Variants in YME1L1 observed in about 807,000 individuals in gnomAD.
YME1L1 encodes ATP-dependent zinc metalloprotease YME1L1.
A neutral mutation model predicts 90.4 loss-of-function variants in YME1L1; 39 were observed. That is an observed-to-expected ratio of 0.43 (90% CI 0.33 to 0.56). The LOEUF is 0.56. Among genes scored for constraint, YME1L1 ranks in the 20% least tolerant of loss-of-function variants. The probability of loss-of-function intolerance (pLI) is 0.03; values close to 1 mark genes in which losing one functional copy is unlikely to be tolerated. For missense variants in YME1L1, 617 were observed against 868.4 expected (o/e 0.71, Z 3.64); for synonymous variants, 284 against 287.3 (o/e 0.99, Z 0.12).
intron 4 of YME1L1, among the ~76,000 whole-genome samples, chr10:27,140,805 T>A (rs559358807): frequency 6.6e-6 from 1 of 152,280 alleles, no homozygotes; most frequent in South Asian, 2.1e-4. Flanking sequence ...AAGCTGTCTT[T>A]TCTGTTACTG....
At chr10:27,132,217 C>A (rs1280653876) in intron 7 of YME1L1, among the ~76,000 whole-genome samples, 1 of 152,134 alleles carries the variant, frequency 6.6e-6, no homozygotes, top group Non-Finnish European at 1.5e-5. Flanking sequence ...TCTCCTGCCT[C>A]AGCCTCCCAA....
chr10:27,112,237 T>A, intron 18 of YME1L1, 117 bp from the exon 19 acceptor site: 1 of 910,128 alleles, frequency 1.1e-6, no homozygotes, highest in Non-Finnish European at 1.6e-6. Flanking sequence ...TGTTTATATT[T>A]ATAAAATCAT....
Position 27,111,808 on chromosome 10 carries a change from A to G in YME1L1, c.*169T>C, listed in dbSNP as rs1042792629. ...GATGCTAATTTGCAATAGGTGTCAT[A>G]ATGAGAATAACCCAAACTGGATAAA... On this transcript the variant is annotated 3_prime_UTR_variant, in exon 19 of 19. Coordinates refer to ENST00000376016, the MANE Select transcript of YME1L1 (RefSeq NM_014263.4). The G allele has an allele frequency of 1.3e-5, 11 of 873,964 alleles. No homozygotes were observed. Among genetic ancestry groups the G allele is most frequent in the Non-Finnish European group, 1.9e-5 (10 of 533,366 alleles). 54.1% of individuals were successfully genotyped at this position (873,964 alleles called of 1,614,324 possible). A position where few individuals can be genotyped will look rare whatever the true frequency, so the allele number is the denominator to read the frequency against.
chr10:27,121,695 ATTT>A (rs2056869186), intron 11 of YME1L1, among the ~76,000 whole-genome samples: 1 of 149,752 alleles, frequency 6.7e-6, no homozygotes. Flanking sequence ...TGACTAATTT[ATTT>A]TTTATTTATT....
rs1466165717 is a variant in YME1L1 at position 27,129,099 on chromosome 10, AAAAAAAAAAAAAAACT to A, written c.859-2329_859-2314del. ...AGACCCTGTCTCAAAAAAAAAAAAAAAAAAAAAAAAAAAACTCTCATTCCAAAAGAAGTGTGATATA... is the reference window on the plus strand; with the variant it reads ...AGACCCTGTCTCAAAAAAAAAAAAAACTCATTCCAAAAGAAGTGTGATATA... On this transcript the variant is annotated intron_variant, in intron 8 of 18. Coordinates refer to ENST00000376016, the MANE Select transcript of YME1L1 (RefSeq NM_014263.4). 13 of 150,388 alleles carry A rather than the reference AAAAAAAAAAAAAAACT, an allele frequency of 8.6e-5. No homozygotes were observed. The East Asian group carries it at 1.0e-3, about 12-fold the overall frequency. The allele number at this position is 150,388 out of a possible 1,614,324, so 9.3% of individuals were successfully genotyped here.
At chr10:27,112,654 GACAA>G (rs1333187991) in intron 18 of YME1L1, among the ~76,000 whole-genome samples, 3 of 152,036 alleles carry the variant, frequency 2.0e-5, no homozygotes, top group Non-Finnish European at 4.4e-5. Context: ...TGTGCCATCT[GACAA>G]ACATAGTCCT....
chr10:27,154,133 C>G, intron 1 of YME1L1, 45 bp downstream of exon 1: 8 of 1,563,386 alleles, frequency 5.1e-6, no homozygotes, highest in Non-Finnish European at 6.9e-6. Context: ...CAAACAGCCA[C>G]GGGCAGGGCG....
chr10:27,147,731 AAC>A, intron 2 of YME1L1: 1 of 1,543,442 alleles, frequency 6.5e-7, no homozygotes, highest in Non-Finnish European at 8.8e-7. Context: ...TCCTGTCTGT[AAC>A]ACCCGTGGTT....
rs1049926222 is a variant in YME1L1 at position 27,119,181 on chromosome 10, G to C, written c.1567+113C>G. On this transcript the variant is annotated intron_variant, in intron 14 of 18. Coordinates refer to ENST00000376016, the MANE Select transcript of YME1L1 (RefSeq NM_014263.4). Reference sequence around the variant, plus strand: ...CCCAGACACTGAAGTTTTAGAGTAAGATTAGATTCAACATAGCCATGGCTT... The same window carrying C: ...CCCAGACACTGAAGTTTTAGAGTAACATTAGATTCAACATAGCCATGGCTT... 5 of 1,077,084 alleles carry C rather than the reference G, an allele frequency of 4.6e-6. No individual in the cohort carries two copies. The Admixed American group carries it at 8.6e-5, about 19-fold the overall frequency. The allele number at this position is 1,077,084 out of a possible 1,614,324, so 66.7% of individuals were successfully genotyped here. A position where few individuals can be genotyped will look rare whatever the true frequency, so the allele number is the denominator to read the frequency against.
intron 3 of YME1L1, among the ~76,000 whole-genome samples, chr10:27,145,220 G>A (rs2057130018): frequency 2.6e-5 from 4 of 151,716 alleles, no homozygotes; most frequent in Non-Finnish European, 5.9e-5. Context: ...CAAAATTAGT[G>A]GAAGCAAAAT....
intron 3 of YME1L1, among the ~76,000 whole-genome samples, chr10:27,143,234 TG>T (rs1048536034): frequency 1.8e-4 from 27 of 151,686 alleles, no homozygotes; most frequent in Non-Finnish European, 3.8e-4. Context: ...CCGGGTGTGG[TG>T]GCACATGCCT....
intron 1 of YME1L1, among the ~76,000 whole-genome samples, chr10:27,151,760 G>C (rs954663424): frequency 6.6e-6 from 1 of 151,840 alleles, no homozygotes; most frequent in South Asian, 2.1e-4. Context: ...GGGCGCCTGT[G>C]GTCCCAGCTA....
At chr10:27,122,789 T>G (rs2056880135) in intron 11 of YME1L1, 52 bp downstream of exon 11, 3 of 1,603,890 alleles carry the variant, frequency 1.9e-6, no homozygotes, top group Admixed American at 3.4e-5. Context: ...TCTACGTATA[T>G]CAAATGCTGG....
At chr10:27,147,233 C>CTGT in intron 2 of YME1L1, 1 of 613,988 alleles carries the variant, frequency 1.6e-6, no homozygotes, top group Non-Finnish European at 2.9e-6. Flanking sequence ...TGGCTCGAGC[C>CTGT]TGTAATCCCA....
In YME1L1 at chr10:27,134,052, G is replaced by GT; in HGVS notation, c.761dup (p.Asn254LysfsTer15). 1 of 1,612,330 alleles carries GT rather than the reference G, an allele frequency of 6.2e-7. No homozygotes were observed. The highest frequency in any genetic ancestry group is 8.5e-7 in the Non-Finnish European group (1 of 1,179,338). On this transcript the variant is annotated frameshift_variant, in exon 7 of 19. Transcript: ENST00000376016. LOFTEE classifies it high-confidence loss of function. Reference sequence around the variant, plus strand: ...AAAAGCTTTTACCAGATAAAAATGGGTTTTTTAGAAGTCCATAAATGCCGA... The same window carrying GT: ...AAAAGCTTTTACCAGATAAAAATGGGTTTTTTTAGAAGTCCATAAATGCCGA...
intron 1 of YME1L1, among the ~76,000 whole-genome samples, chr10:27,150,048 C>T (rs991324852): frequency 4.6e-5 from 7 of 151,726 alleles, no homozygotes; most frequent in African/African-American, 1.7e-4. Context: ...TGCATTCCAG[C>T]CTGGGTGACA....
At position 27,154,344 on chromosome 10, in the gene YME1L1, G is replaced by A. The variant is rs2057286728; in HGVS notation, c.-134C>T. The A allele has an allele frequency of 3.7e-6, 4 of 1,068,934 alleles. No homozygotes were observed. In the Admixed American group the frequency reaches 8.2e-5, roughly 22 times the overall value. The allele number at this position is 1,068,934 out of a possible 1,614,324, so 66.2% of individuals were successfully genotyped here. On this transcript the variant is annotated 5_prime_UTR_variant, in exon 1 of 19. Transcript: ENST00000376016. ...TTGCCCCTCACTCCTCCCAGAAACG[G>A]AAAATGGCCTCCCCTTCCTACAGCT...
chr10:27,139,733 A>G (rs2057066283), intron 4 of YME1L1, among the ~76,000 whole-genome samples: 1 of 152,110 alleles, frequency 6.6e-6, no homozygotes, highest in Admixed American at 6.6e-5. Flanking sequence ...CCATTTCAAC[A>G]TATTTTTATT....
intron 18 of YME1L1, among the ~76,000 whole-genome samples, chr10:27,113,219 CAAAAAAAAAAAAAAAAAAA>C (rs869122796): frequency 5.7e-3 from 245 of 43,094 alleles, no homozygotes; most frequent in African/African-American, 0.018. Flanking sequence ...GATGCTGTCT[CAAAAAAAAAAAAAAAAAAA>C]AAAAAAAAAA....
Sources: gnomAD v4.1 joint callset for allele counts (sites outside exome capture counted in the v4.1 genomes callset) on GRCh38, gnomAD v4.1.1 for gene constraint, MANE v1.5 for transcripts, NCBI Gene and HGNC (gene_info 2026-07-23, HGNC 2026-07-21) for gene names.